Variants in SPTBN4 observed in about 807,000 individuals in gnomAD.
SPTBN4 encodes the protein spectrin beta chain, non-erythrocytic 4.
Under a neutral mutation model 277.8 loss-of-function variants are expected in SPTBN4, and 96 were observed. The ratio of observed to expected loss-of-function variants is 0.35; its 90% CI spans 0.29 to 0.41. The LOEUF (loss-of-function observed/expected upper bound fraction) is 0.41. Ranked by LOEUF, SPTBN4 falls within the 10% of genes least tolerant of loss-of-function variation. SPTBN4 has a pLI of 1.00. For synonymous variants in SPTBN4, 1,481 were observed against 1,580.3 expected (o/e 0.94, Z 1.49); for missense variants, 3,006 against 3,595.7 (o/e 0.84, Z 4.19).
At position 40,533,973 on chromosome 19, in the gene SPTBN4, C is replaced by G. The variant is rs371432023; in HGVS notation, c.4096-107C>G. ...TGTCTCCCACTCCCTGCCTCTGATT[C>G]TCTTTTCACATCCTTCCCTGTGTCC... On this transcript the variant is annotated intron_variant, in intron 19 of 35. Transcript: ENST00000598249. The G allele has an allele frequency of 1.9e-4, 263 of 1,382,162 alleles. 2 individuals are homozygous for G. In the African/African-American group the frequency reaches 3.5e-3, roughly 18 times the overall value. 85.6% of individuals were successfully genotyped at this position (1,382,162 alleles called of 1,614,324 possible).
rs80296430 is a variant in SPTBN4, at chr19:40,485,868, A to G, written c.170-1829A>G. Among the ~76,000 whole-genome samples, 1,004 of 152,086 alleles carry G rather than the reference A, an allele frequency of 6.6e-3. 4 individuals carry two copies. The highest frequency in any genetic ancestry group is 0.012 in the Non-Finnish European group (809 of 67,980). On this transcript the variant is annotated intron_variant, in intron 2 of 35. Coordinates refer to ENST00000598249, the MANE Select transcript of SPTBN4 (RefSeq NM_020971.3). Reference sequence around the variant, plus strand: ...GGATTTTAATGACGTTTCTCCAAAGATATACAACTGTCTGATGGAGCATGA... The same window carrying G: ...GGATTTTAATGACGTTTCTCCAAAGGTATACAACTGTCTGATGGAGCATGA...
chr19:40,564,447 C>T (rs1281719179), intron 27 of SPTBN4, among the ~76,000 whole-genome samples: 2 of 152,220 alleles, frequency 1.3e-5, no homozygotes, highest in African/African-American at 2.4e-5. Flanking sequence ...TTCAAGTGCT[C>T]ACATGTCTAG....
intron 34 of SPTBN4, 42 bp from the exon 35 acceptor site, chr19:40,572,295 GC>G: frequency 6.2e-7 from 1 of 1,612,370 alleles, no homozygotes; most frequent in Non-Finnish European, 8.5e-7. Flanking sequence ...GGTGGGCTGG[GC>G]CCCTTCCCCA....
intron 15 of SPTBN4, among the ~76,000 whole-genome samples, chr19:40,518,622 C>T (rs932549098): frequency 2.0e-5 from 3 of 152,164 alleles, no homozygotes; most frequent in African/African-American, 7.2e-5. Context: ...AGGAGTCTCA[C>T]CATGTTGCCC....
chr19:40,552,005 A>C (rs993345029), intron 22 of SPTBN4, among the ~76,000 whole-genome samples: 21 of 151,636 alleles, frequency 1.4e-4, no homozygotes, highest in Non-Finnish European at 2.6e-4. Flanking sequence ...AAAAAAAAAA[A>C]AAAACATCGA....
intron 16 of SPTBN4, among the ~76,000 whole-genome samples, chr19:40,521,687 A>C (rs1288886668): frequency 1.3e-5 from 2 of 152,184 alleles, no homozygotes; most frequent in East Asian, 3.9e-4. Flanking sequence ...GCGATGGACT[A>C]GTACCCCTCT....
chr19:40,492,141 C>A (rs2080145534), intron 4 of SPTBN4, among the ~76,000 whole-genome samples: 1 of 151,616 alleles, frequency 6.6e-6, no homozygotes, highest in Non-Finnish European at 1.5e-5. Context: ...CAGGGTGGGA[C>A]TATGGGGAAG....
intron 16 of SPTBN4, among the ~76,000 whole-genome samples, chr19:40,523,066 G>A (rs1039218930): frequency 1.2e-4 from 18 of 152,290 alleles, no homozygotes; most frequent in Admixed American, 7.8e-4. Context: ...CCCAGGAGGT[G>A]GAGGTTGCAG....
Position 40,502,095 on chromosome 19 carries a change from A to G in SPTBN4, c.898-33A>G. On this transcript the variant is annotated intron_variant, in intron 8 of 35. Coordinates refer to ENST00000598249, the MANE Select transcript of SPTBN4 (RefSeq NM_020971.3). The surrounding 1 kb of genome is among the most constrained non-coding windows in gnomAD (Gnocchi z 4.9). The stretch of plus-strand genomic sequence containing the variant: ...GAAGCTGGTGGCAGGCACGGGTGGG[A>G]TGAGGCTGACCCCCCTTCCTCTGCT... 6.2e-7 allele frequency: 1 copy of G among 1,613,322 alleles called. No homozygotes were observed. The highest frequency in any genetic ancestry group is 8.5e-7 in the Non-Finnish European group (1 of 1,179,784).
At chr19:40,533,024 T>G (rs538067506) in intron 19 of SPTBN4, among the ~76,000 whole-genome samples, 1 of 152,298 alleles carries the variant, frequency 6.6e-6, no homozygotes, top group South Asian at 2.1e-4. Context: ...GTTTGTTAAA[T>G]ATTTCACTTC....
chr19:40,505,705 AGG>A (rs2080319077), intron 12 of SPTBN4, among the ~76,000 whole-genome samples: 20 of 72,614 alleles, frequency 2.8e-4, no homozygotes, highest in Non-Finnish European at 6.0e-4. Context: ...AAAGGGAGGA[AGG>A]AAGGAAGGAA....
intron 3 of SPTBN4, 83 bp from the exon 4 acceptor site, chr19:40,489,992 G>T: frequency 1.4e-6 from 2 of 1,416,336 alleles, no homozygotes; most frequent in South Asian, 3.0e-5. Flanking sequence ...CGGGAGGCGG[G>T]CTTCTTTGGA....
In SPTBN4 at chr19:40,560,236, G is replaced by A. The variant is rs767782603; in HGVS notation, c.5748G>A (p.Arg1916=). 3.1e-6 allele frequency: 5 copies of A among 1,612,056 alleles called. No homozygotes were observed. In the South Asian group the frequency reaches 5.5e-5, roughly 18 times the overall value. Residue 1916 remains arginine, a synonymous_variant, in exon 27 of 36, where the codon CGG becomes CGA. Coordinates refer to ENST00000598249, the MANE Select transcript of SPTBN4 (RefSeq NM_020971.3). This position sits in a 1 kb window ranked among gnomAD's most constrained non-coding sequence, Gnocchi z 5.2. ...AACATGCCGAGGCCATCGCTAGCCGGGAGCAGGAGGTGCTGCAGGGTTGGA... is the reference window on the plus strand; with the variant it reads ...AACATGCCGAGGCCATCGCTAGCCGAGAGCAGGAGGTGCTGCAGGGTTGGA... ...AGEHAEAIAS[R]EQEVLQGWKE... is the part of the protein sequence containing the mutation.
chr19:40,472,909 T>C, intron 2 of SPTBN4, 119 bp downstream of exon 2: 2 of 1,035,658 alleles, frequency 1.9e-6, no homozygotes, highest in South Asian at 1.8e-5. Flanking sequence ...GAACTTTCCA[T>C]GATGGTGGAA....
chr19:40,556,894 C>T (rs751839406), intron 25 of SPTBN4, 129 bp from the exon 26 acceptor site: 27 of 1,258,426 alleles, frequency 2.1e-5, no homozygotes, highest in East Asian at 2.9e-5. Flanking sequence ...AACCACTGCA[C>T]GCCAACCTGG....
intron 12 of SPTBN4, among the ~76,000 whole-genome samples, chr19:40,505,754 GAAA>G (rs1442311882): frequency 4.1e-4 from 62 of 150,678 alleles, no homozygotes; most frequent in Middle Eastern, 3.4e-3. Context: ...AAGGAAGGAA[GAAA>G]GAAAGGTGAA....
chr19:40,472,833 G>A (rs2079901967), intron 2 of SPTBN4, 43 bp downstream of exon 2: 7 of 1,473,756 alleles, frequency 4.7e-6, no homozygotes, highest in African/African-American at 1.4e-5. Context: ...GGAGGGGGAA[G>A]GGGGAAGGGT....
At chr19:40,489,701 G>C (rs2145827595) in intron 3 of SPTBN4, among the ~76,000 whole-genome samples, 1 of 152,290 alleles carries the variant, frequency 6.6e-6, no homozygotes, top group African/African-American at 2.4e-5. Flanking sequence ...CATGGGATTA[G>C]TGGCAAAACA....
At chr19:40,521,394 T>C (rs182587266) in intron 16 of SPTBN4, among the ~76,000 whole-genome samples, 89 of 152,334 alleles carry the variant, frequency 5.8e-4, no homozygotes, top group Admixed American at 5.0e-3. Context: ...ATTATAAAAC[T>C]CACTATAATG....
Sources: allele counts gnomAD v4.1 joint callset (sites outside exome capture counted in the v4.1 genomes callset), GRCh38; gene constraint gnomAD v4.1.1; non-coding constraint Gnocchi (gnomAD v3.1); transcripts MANE v1.5; gene names NCBI Gene and HGNC (gene_info 2026-07-23, HGNC 2026-07-21).